Variants in ELFN2 observed in about 807,000 individuals in gnomAD.
The protein encoded by ELFN2 is protein phosphatase 1 regulatory subunit 29.
In ELFN2, 17 loss-of-function variants were observed where a neutral mutation model predicts 45.5. That is an observed-to-expected ratio of 0.37 (90% CI 0.26 to 0.56). The LOEUF (loss-of-function observed/expected upper bound fraction) is 0.56. Among genes scored for constraint, ELFN2 ranks in the 20% least tolerant of loss-of-function variants. The pLI is 0.77. For synonymous variants in ELFN2, 550 were observed against 551.5 expected, an observed-to-expected ratio of 1.00 and a Z score of 0.04; for missense variants, 922 against 1,183.2, an observed-to-expected ratio of 0.78 and a Z score of 3.24.
intron 2 of ELFN2, among the ~76,000 whole-genome samples, chr22:37,400,721 CAGG>C (rs1484339500): frequency 6.6e-6 from 1 of 152,228 alleles, no homozygotes; most frequent in Non-Finnish European, 1.5e-5. Context: ...CGGCCCAGAA[CAGG>C]AGTTCAAGAG....
intron 2 of ELFN2, among the ~76,000 whole-genome samples, chr22:37,402,988 C>T (rs547257328): frequency 1.3e-5 from 2 of 152,220 alleles, no homozygotes; most frequent in East Asian, 1.9e-4. Context: ...AAGAATGGCC[C>T]GGGCCAGAGA....
intron 1 of ELFN2, among the ~76,000 whole-genome samples, chr22:37,425,859 G>GCACATA (rs1270328941): frequency 9.6e-6 from 1 of 104,004 alleles, no homozygotes; most frequent in Non-Finnish European, 2.0e-5. Context: ...TGTCAGCCAT[G>GCACATA]CACATACACA....
chr22:37,426,664 C>T (rs1932853637), intron 1 of ELFN2, among the ~76,000 whole-genome samples: 1 of 151,774 alleles, frequency 6.6e-6, no homozygotes, highest in Non-Finnish European at 1.5e-5. Flanking sequence ...CACACACACA[C>T]ACACACCCGG....
Position 37,373,377 on chromosome 22 carries a change from C to G in ELFN2, c.2158G>C (p.Gly720Arg). ...ACGCGCTGGCTCAGGCTGTCGGCACCCTCCTCGTAGTACAGGGCGGGAAAG... is the reference window on the plus strand; with the variant it reads ...ACGCGCTGGCTCAGGCTGTCGGCACGCTCCTCGTAGTACAGGGCGGGAAAG... ...HSFPALYYEE[G>R]ADSLSQRVSF... The change falls in exon 3 of 3, where the codon GGT becomes CGT. Residue 720 changes from glycine to arginine, a missense_variant. Transcript: ENST00000402918. 6.2e-7 allele frequency: 1 copy of G among 1,611,390 alleles called. No individual in the cohort carries two copies. The highest frequency in any genetic ancestry group is 2.2e-5 in the East Asian group (1 of 44,810).
In ELFN2 at chr22:37,381,934, C is replaced by A. The variant is rs560077250; in HGVS notation, c.-462-5938G>T. On this transcript the variant is annotated intron_variant, in intron 2 of 2. Coordinates refer to ENST00000402918, the MANE Select transcript of ELFN2 (RefSeq NM_052906.5). Reference sequence around the variant, plus strand: ...TCGCGCCTCTGCACTCCAGCCTGGGCGACAGAGTGAGACTCCGTCTCAAAA... The same window carrying A: ...TCGCGCCTCTGCACTCCAGCCTGGGAGACAGAGTGAGACTCCGTCTCAAAA... Among the ~76,000 whole-genome samples, 5 of 122,084 alleles carry A rather than the reference C, an allele frequency of 4.1e-5. 1 individual carries two copies. Among genetic ancestry groups the A allele is most frequent in the Middle Eastern group, 0.012 (2 of 162 alleles). The allele number at this position is 122,084 out of a possible 152,430, so 80.1% of individuals were successfully genotyped here.
intron 1 of ELFN2, among the ~76,000 whole-genome samples, chr22:37,351,928 C>T (rs1270919603): frequency 6.6e-6 from 1 of 151,024 alleles, no homozygotes; most frequent in East Asian, 1.9e-4. Context: ...CAGGAGCTGC[C>T]TCACTCATCT....
At position 37,373,736 on chromosome 22, in the gene ELFN2, C is replaced by G; in HGVS notation, c.1799G>C (p.Ser600Thr). The G allele has an allele frequency of 1.4e-5, 22 of 1,561,556 alleles. No individual in the cohort carries two copies. Among genetic ancestry groups the G allele is most frequent in the Non-Finnish European group, 1.9e-5 (22 of 1,161,380 alleles). ...ATGPGALERPSFLSPPYKESS... is the reference protein window; with the variant it reads ...ATGPGALERPTFLSPPYKESS... Reference sequence around the variant, plus strand: ...CTCCTTGTAGGGAGGCGAAAGGAAGCTGGGCCGCTCCAGGGCCCCGGGGCC... The same window carrying G: ...CTCCTTGTAGGGAGGCGAAAGGAAGGTGGGCCGCTCCAGGGCCCCGGGGCC... Residue 600 changes from serine to threonine, a missense_variant, in exon 3 of 3, where the codon AGC becomes ACC. By Grantham distance (58) the Ser-to-Thr change is moderately conservative (BLOSUM62 1). Coordinates refer to ENST00000402918, the MANE Select transcript of ELFN2 (RefSeq NM_052906.5).
chr22:37,372,582 T>C lies in ELFN2; in HGVS notation c.*490A>G, dbSNP rs1931397764. 6.5e-6 allele frequency: 1 copy of C among 153,074 alleles called. No individual in the cohort carries two copies. The highest frequency in any genetic ancestry group is 2.1e-4 in the South Asian group (1 of 4,872). The allele number at this position is 153,074 out of a possible 1,614,324, so 9.5% of individuals were successfully genotyped here. A position where few individuals can be genotyped will look rare whatever the true frequency, so the allele number is the denominator to read the frequency against. On this transcript the variant is annotated 3_prime_UTR_variant, in exon 3 of 3. Transcript: ENST00000402918. This position sits in a 1 kb window ranked among gnomAD's most constrained non-coding sequence, Gnocchi z 4.4. The stretch of plus-strand genomic sequence containing the variant: ...CCCCTCTCTAAAGTGGAAGGAGACA[T>C]TGCCCGATGTCTAATGCTAAATCTG...
rs1216833812 is a variant in ELFN2 at position 37,411,036 on chromosome 22, C to T, written c.-463+6733G>A. ...AGGAAAGCCAGCAAGAAGCCCAGTG[C>T]TAGCATTCCTGACTGCACGCCAGGC... On this transcript the variant is annotated intron_variant, in intron 2 of 2. Transcript: ENST00000402918. Among the ~76,000 whole-genome samples the T allele has an allele frequency of 2.6e-5, 4 of 152,210 alleles. 1 individual carries two copies. The highest frequency in any genetic ancestry group is 2.6e-4 in the Admixed American group (4 of 15,294).
At chr22:37,399,060 C>T (rs1932292019) in intron 2 of ELFN2, among the ~76,000 whole-genome samples, 1 of 152,130 alleles carries the variant, frequency 6.6e-6, no homozygotes, top group Non-Finnish European at 1.5e-5. Context: ...GCTCAGGGGC[C>T]TCTGGTGTCC....
intron 1 of ELFN2, among the ~76,000 whole-genome samples, chr22:37,422,442 C>T (rs1932815737): frequency 6.6e-6 from 1 of 151,954 alleles, no homozygotes; most frequent in South Asian, 2.1e-4. Context: ...CACAGTGGCT[C>T]ACGCCTGCAA....
chr22:37,401,101 C>G (rs566707790), intron 2 of ELFN2, among the ~76,000 whole-genome samples: 2 of 152,160 alleles, frequency 1.3e-5, no homozygotes, highest in South Asian at 4.1e-4. Flanking sequence ...GCGGAACATG[C>G]GGGGGCCGTG....
chr22:37,379,121 C>G (rs1290722061), intron 2 of ELFN2, among the ~76,000 whole-genome samples: 2 of 152,170 alleles, frequency 1.3e-5, no homozygotes, highest in Admixed American at 1.3e-4. Flanking sequence ...ATCAAGACAG[C>G]CGAGCAGACA....
chr22:37,404,432 G>C (rs1368941613), intron 2 of ELFN2, among the ~76,000 whole-genome samples: 1 of 152,054 alleles, frequency 6.6e-6, no homozygotes, highest in Non-Finnish European at 1.5e-5. Flanking sequence ...ATGCCACCCA[G>C]GGTCTGGGTG....
At chr22:37,398,219 G>T (rs1405942467) in intron 2 of ELFN2, among the ~76,000 whole-genome samples, 1 of 152,120 alleles carries the variant, frequency 6.6e-6, no homozygotes, top group Non-Finnish European at 1.5e-5. Flanking sequence ...GGTAGACCGT[G>T]CCGGGCACAT....
At chr22:37,341,886 C>G (rs909075283) in intron 2 of ELFN2, among the ~76,000 whole-genome samples, 1 of 152,176 alleles carries the variant, frequency 6.6e-6, no homozygotes, top group Non-Finnish European at 1.5e-5. Flanking sequence ...TAGGGGAATT[C>G]TCCCCACAGG....
chr22:37,413,783 T>G (rs557410291), intron 2 of ELFN2, among the ~76,000 whole-genome samples: 4 of 152,336 alleles, frequency 2.6e-5, no homozygotes, highest in African/African-American at 9.6e-5. Flanking sequence ...TGATTTCTTT[T>G]GACAATTCAG....
chr22:37,404,976 C>A (rs1034975846), intron 2 of ELFN2, among the ~76,000 whole-genome samples: 4 of 152,276 alleles, frequency 2.6e-5, no homozygotes, highest in Non-Finnish European at 4.4e-5. Context: ...GTTCCAGCTA[C>A]CTGCTGGTGA....
At chr22:37,384,067 C>G (rs964438126) in intron 2 of ELFN2, among the ~76,000 whole-genome samples, 2 of 152,148 alleles carry the variant, frequency 1.3e-5, no homozygotes, top group African/African-American at 4.8e-5. Context: ...ATGGCTCACC[C>G]GGTCCCCGTG....
Sources: gnomAD v4.1 joint callset for allele counts (sites outside exome capture counted in the v4.1 genomes callset) on GRCh38, gnomAD v4.1.1 for gene constraint, Gnocchi (gnomAD v3.1) non-coding constraint, MANE v1.5 for transcripts, NCBI Gene and HGNC (gene_info 2026-07-23, HGNC 2026-07-21) for gene names.